LY6H: variants seen among roughly 807,000 people sequenced by gnomAD.
The protein encoded by LY6H is lymphocyte antigen 6 family member H, also known as lymphocyte antigen 6H.
LY6H carries 8 observed loss-of-function variants against 14.6 expected under a neutral mutation model. That is an observed-to-expected ratio of 0.55 (90% CI 0.32 to 0.99). The LOEUF (loss-of-function observed/expected upper bound fraction) is 0.99, where lower values mean the gene tolerates loss of function less well. Among genes scored for constraint, LY6H ranks in the 50% least tolerant of loss-of-function variants. The pLI is 0.04. For synonymous variants in LY6H, 115 were observed against 97.2 expected (o/e 1.18, Z -1.08); for missense variants, 196 against 219.6 (o/e 0.89, Z 0.68).
intron 1 of LY6H, 184 bp downstream of exon 1, chr8:143,160,014 G>C (rs1391027482): frequency 8.2e-7 from 1 of 1,220,236 alleles, no homozygotes; most frequent in Admixed American, 4.2e-5. Context: ...TGAGCGGCAG[G>C]GGCGGGAGCG....
chr8:143,159,748 C>T (rs1815551815), intron 1 of LY6H, 39 bp from the exon 2 acceptor site: 1 of 1,327,704 alleles, frequency 7.5e-7, no homozygotes, highest in Non-Finnish European at 9.6e-7. Flanking sequence ...CCCCAAAGAC[C>T]CTCTCCTTTC....
In LY6H at chr8:143,159,300, G is replaced by C. The variant is rs911571885; in HGVS notation, c.130+282C>G. On this transcript the variant is annotated intron_variant, in intron 2 of 3. Coordinates refer to ENST00000342752, the MANE Select transcript of LY6H (RefSeq NM_001135655.2). ...GTGAAGGACCAAACTGGATTTGAAAGGAGGCCCGGGAGGCTCTCAGAGGTG... is the reference window on the plus strand; with the variant it reads ...GTGAAGGACCAAACTGGATTTGAAACGAGGCCCGGGAGGCTCTCAGAGGTG... The C allele has an allele frequency of 1.3e-5, 7 of 539,246 alleles. No individual in the cohort carries two copies. In the Admixed American group the frequency reaches 1.3e-4, roughly 10 times the overall value. The allele number at this position is 539,246 out of a possible 1,614,324, so 33.4% of individuals were successfully genotyped here. A position where few individuals can be genotyped will look rare whatever the true frequency, so the allele number is the denominator to read the frequency against.
chr8:143,159,929 C>T, intron 1 of LY6H: 1 of 1,233,834 alleles, frequency 8.1e-7, no homozygotes. Flanking sequence ...CCGCCCCGCG[C>T]CGGCACCTGT....
intron 3 of LY6H, 45 bp from the exon 4 acceptor site, chr8:143,158,530 C>T (rs1247835309): frequency 6.6e-7 from 1 of 1,520,340 alleles, no homozygotes; most frequent in Admixed American, 1.7e-5. Context: ...CCTCCTGGGC[C>T]CTCTCTGCCT....
chr8:143,159,409 CCGGGGCAGAGG>C, intron 2 of LY6H, 162 bp downstream of exon 2: 1 of 713,138 alleles, frequency 1.4e-6, no homozygotes, highest in Non-Finnish European at 2.1e-6. Flanking sequence ...GAGCCCAGTG[CCGGGGCAGAGG>C]GGCCGAGGGC....
intron 2 of LY6H, 106 bp downstream of exon 2, chr8:143,159,476 G>A: frequency 7.6e-7 from 1 of 1,310,890 alleles, no homozygotes; most frequent in South Asian, 1.6e-5. Flanking sequence ...GGCTCTATGC[G>A]AAGTGCGGTG....
chr8:143,159,251 C>A (rs1043486918), intron 2 of LY6H: 3 of 557,964 alleles, frequency 5.4e-6, no homozygotes, highest in Non-Finnish European at 9.6e-6. Flanking sequence ...CATATCCCCC[C>A]CAGAGGTCCG....
Position 143,158,793 on chromosome 8 carries a change from C to T in LY6H, c.250+10G>A. The T allele has an allele frequency of 1.3e-6, 2 of 1,575,950 alleles. No homozygotes were observed. The highest frequency in any genetic ancestry group is 1.7e-6 in the Non-Finnish European group (2 of 1,156,236). On this transcript the variant is annotated intron_variant, in intron 3 of 3. Transcript: ENST00000342752. ...TAGCACATTCCCCACCACCCTAAGT[C>T]CCAACTTACTGCTGCTGGGATCGGT...
Position 143,160,154 on chromosome 8 carries a change from A to C in LY6H, c.2+44T>G, listed in dbSNP as rs764661580. 7 of 1,266,080 alleles carry C rather than the reference A, an allele frequency of 5.5e-6. No homozygotes were observed. In the East Asian group the frequency reaches 2.1e-4, roughly 37 times the overall value. 78.4% of individuals were successfully genotyped at this position (1,266,080 alleles called of 1,614,324 possible). A position where few individuals can be genotyped will look rare whatever the true frequency, so the allele number is the denominator to read the frequency against. On this transcript the variant is annotated intron_variant, in intron 1 of 3. Coordinates refer to ENST00000342752, the MANE Select transcript of LY6H (RefSeq NM_001135655.2). Reference sequence around the variant, plus strand: ...GCGCGCGCCTCGGCGCTCACCGCGGATGGGGCGTGGAGCGCGGGCCTCGGG... The same window carrying C: ...GCGCGCGCCTCGGCGCTCACCGCGGCTGGGGCGTGGAGCGCGGGCCTCGGG...
chr8:143,159,689 C>T lies in LY6H; in HGVS notation c.23G>A (p.Arg8His). ...GGGGGCGGCGCGGGGGCTTGGGGCG[C>T]GGGTCCTCTGGGGCGCAAGCCTGGA... is the stretch of plus-strand genomic sequence containing the variant. MLAPQRT[R>H]APSPRAAPRP... Residue 8 changes from arginine (R) to histidine (H), a missense_variant, in exon 2 of 4, where the codon CGC becomes CAC. Arg to His is a conservative substitution (Grantham distance 29). Coordinates refer to ENST00000342752, the MANE Select transcript of LY6H (RefSeq NM_001135655.2). 3 of 1,387,690 alleles carry T rather than the reference C, an allele frequency of 2.2e-6. No homozygotes were observed. The highest frequency in any genetic ancestry group is 1.9e-6 in the Non-Finnish European group (2 of 1,080,846). The allele number at this position is 1,387,690 out of a possible 1,614,324, so 86.0% of individuals were successfully genotyped here.
intron 1 of LY6H, 195 bp from the exon 2 acceptor site, chr8:143,159,904 C>G: frequency 2.6e-6 from 3 of 1,165,562 alleles, no homozygotes; most frequent in Non-Finnish European, 3.3e-6. Context: ...GGCGAGGTGA[C>G]AGCTCGAGAC....
intron 1 of LY6H, 148 bp from the exon 2 acceptor site, chr8:143,159,857 G>A: frequency 1.7e-6 from 2 of 1,142,950 alleles, no homozygotes; most frequent in East Asian, 3.2e-5. Flanking sequence ...AGCGTCCGCC[G>A]TCACAGCATC....
rs1438924064 is a variant in LY6H at position 143,158,938 on chromosome 8, G to A, written c.131-16C>T. 1.2e-6 allele frequency: 2 copies of A among 1,612,776 alleles called. No homozygotes were observed. The highest frequency in any genetic ancestry group is 2.2e-5 in the East Asian group (1 of 44,866). The stretch of plus-strand genomic sequence containing the variant: ...AGGCCATGAGCTGGGCAGGGCATGG[G>A]GAGGAGGGTGACCAGAGGCACTGGG... On this transcript the variant is annotated splice_polypyrimidine_tract_variant and intron_variant, in intron 2 of 3. Transcript: ENST00000342752.
intron 2 of LY6H, chr8:143,159,318 C>G (rs1288144258): frequency 6.0e-5 from 33 of 546,676 alleles, no homozygotes; most frequent in Non-Finnish European, 9.6e-5. Context: ...GGGAGGCTCT[C>G]AGAGGTGACG....
At position 143,158,846 on chromosome 8, in the gene LY6H, G is replaced by A. The variant is rs372749060; in HGVS notation, c.207C>T (p.Ser69=). Residue 69 remains serine, a synonymous_variant, in exon 3 of 4, where the codon TCC becomes TCT. Transcript: ENST00000342752. ...TTCGGACACTGGCACACACCGTGTC[G>A]GACGGCTGGCACTGCTTTGGGGTGC... ...SHCTPKQCQP[S]DTVCASVRIT... 2.9e-5 allele frequency: 46 copies of A among 1,608,598 alleles called. No homozygotes were observed. The highest frequency in any genetic ancestry group is 6.7e-5 in the Admixed American group (4 of 59,810).
Position 143,159,635 on chromosome 8 carries a change from G to T in LY6H, c.77C>A (p.Ala26Asp). ...PRPTRSMLPA[A>D]MKGLGLALLA... ...CAGCGCCAGGCCGAGGCCCTTCATGGCTGCAGGCAGCATGCTCCGGGTGGG... is the reference window on the plus strand; with the variant it reads ...CAGCGCCAGGCCGAGGCCCTTCATGTCTGCAGGCAGCATGCTCCGGGTGGG... Residue 26 changes from alanine to aspartate, a missense_variant, in exon 2 of 4, where the codon GCC becomes GAC. Transcript: ENST00000342752. The T allele has an allele frequency of 1.4e-6, 2 of 1,462,368 alleles. No individual in the cohort carries two copies. Among genetic ancestry groups the T allele is most frequent in the Non-Finnish European group, 1.8e-6 (2 of 1,116,784 alleles). 90.6% of individuals were successfully genotyped at this position (1,462,368 alleles called of 1,614,324 possible). A position where few individuals can be genotyped will look rare whatever the true frequency, so the allele number is the denominator to read the frequency against.
At chr8:143,159,337 AG>A (rs1349331505) in intron 2 of LY6H, 1 of 545,510 alleles carries the variant, frequency 1.8e-6, no homozygotes, top group Non-Finnish European at 3.2e-6. Context: ...CGGATGACCA[AG>A]GGCTTCCGTG....
intron 1 of LY6H, 67 bp downstream of exon 1, chr8:143,160,131 G>A (rs1043101582): frequency 1.6e-6 from 2 of 1,230,298 alleles, no homozygotes; most frequent in South Asian, 7.7e-5. Context: ...GGCCTTCCGC[G>A]CGCGCCTCGG....
At chr8:143,159,828 C>T in intron 1 of LY6H, 119 bp from the exon 2 acceptor site, 3 of 1,183,746 alleles carry the variant, frequency 2.5e-6, no homozygotes, top group Non-Finnish European at 3.2e-6. Flanking sequence ...CAGAGCCCCA[C>T]CCCCAGCCCC....
Sources: allele counts gnomAD v4.1 joint callset, GRCh38; gene constraint gnomAD v4.1.1; transcripts MANE v1.5; gene names NCBI Gene and HGNC (gene_info 2026-07-23, HGNC 2026-07-21).